The following TMEFF1 variants were observed in gnomAD, a reference collection of about 807,000 sequenced individuals.
TMEFF1 encodes tomoregulin-1.
TMEFF1 carries 20 observed loss-of-function variants against 47.5 expected under a neutral mutation model. The ratio of observed to expected loss-of-function variants is 0.42; its 90% confidence interval spans 0.30 to 0.61. The LOEUF (loss-of-function observed/expected upper bound fraction) is 0.61. Ranked by LOEUF, TMEFF1 falls within the 20% of genes least tolerant of loss-of-function variation. The probability of loss-of-function intolerance (pLI) is 0.19; values close to 1 mark genes in which losing one functional copy is unlikely to be tolerated. For missense variants in TMEFF1, 411 were observed against 471.1 expected (o/e 0.87, Z 1.18); for synonymous variants, 162 against 166.3 (o/e 0.97, Z 0.20).
intron 5 of TMEFF1, among the ~76,000 whole-genome samples, chr9:100,531,384 CAA>C (rs1297037020): frequency 6.6e-6 from 1 of 152,198 alleles, no homozygotes; most frequent in African/African-American, 2.4e-5. Context: ...ACAACTTCAG[CAA>C]AGTCTCAGGA....
intron 5 of TMEFF1, among the ~76,000 whole-genome samples, chr9:100,533,215 G>A (rs931399806): frequency 6.6e-6 from 1 of 151,952 alleles, no homozygotes; most frequent in Admixed American, 6.6e-5. Flanking sequence ...ATGTGCACAT[G>A]TACCGTAGAA....
chr9:100,493,380 A>G (rs1837592506), intron 1 of TMEFF1, among the ~76,000 whole-genome samples: 1 of 152,148 alleles, frequency 6.6e-6, no homozygotes, highest in Non-Finnish European at 1.5e-5. Context: ...GGGTGGTAGA[A>G]AAGTCGTATC....
intron 2 of TMEFF1, among the ~76,000 whole-genome samples, chr9:100,502,374 G>C (rs1484350601): frequency 6.8e-6 from 1 of 148,004 alleles, no homozygotes; most frequent in Non-Finnish European, 1.5e-5. Flanking sequence ...CTTTTTTTTT[G>C]TTTGAGACGG....
chr9:100,571,301 T>C (rs1201502690), intron 8 of TMEFF1, among the ~76,000 whole-genome samples: 1 of 152,154 alleles, frequency 6.6e-6, no homozygotes, highest in African/African-American at 2.4e-5. Flanking sequence ...CACCAAGATG[T>C]TTACCACATC....
chr9:100,493,861 A>G (rs1237201278), intron 1 of TMEFF1, among the ~76,000 whole-genome samples: 2 of 152,152 alleles, frequency 1.3e-5, no homozygotes, highest in Non-Finnish European at 2.9e-5. Context: ...ATTGGGTTTA[A>G]GCTAAGGCAG....
intron 1 of TMEFF1, among the ~76,000 whole-genome samples, chr9:100,491,333 C>A (rs1442408529): frequency 6.6e-6 from 1 of 152,036 alleles, no homozygotes; most frequent in African/African-American, 2.4e-5. Flanking sequence ...TGAAAAAGGG[C>A]AGATTTCTCC....
At position 100,517,078 on chromosome 9, in the gene TMEFF1, G is replaced by A. The variant is rs569318641; in HGVS notation, c.560+307G>A. ...CAAGTGCTTTTCTCACTCATGTTCAGCCTTCATTAAGGTAGGTTTTGTAGC... is the reference window on the plus strand; with the variant it reads ...CAAGTGCTTTTCTCACTCATGTTCAACCTTCATTAAGGTAGGTTTTGTAGC... On this transcript the variant is annotated intron_variant, in intron 5 of 9. Transcript: ENST00000374879. Among the ~76,000 whole-genome samples, 12 of 152,224 alleles carry A rather than the reference G, an allele frequency of 7.9e-5. No individual in the cohort carries two copies. In the South Asian group the frequency reaches 1.7e-3, roughly 21 times the overall value.
intron 3 of TMEFF1, among the ~76,000 whole-genome samples, chr9:100,511,949 G>A (rs1047441353): frequency 1.3e-5 from 2 of 152,082 alleles, no homozygotes; most frequent in South Asian, 2.1e-4. Context: ...TCTAAATGAC[G>A]AAGGTATGAG....
intron 1 of TMEFF1, 144 bp from the exon 2 acceptor site, chr9:100,498,621 G>A: frequency 1.6e-6 from 1 of 615,224 alleles, no homozygotes. Flanking sequence ...ATTTCTTTTT[G>A]TATAGTTATG....
intron 5 of TMEFF1, among the ~76,000 whole-genome samples, chr9:100,521,747 A>G (rs979076934): frequency 6.6e-6 from 1 of 152,232 alleles, no homozygotes; most frequent in Admixed American, 6.5e-5. Flanking sequence ...CCTAATGCCA[A>G]TACAGGTGAG....
rs1160001831 is a variant in TMEFF1 at position 100,564,267 on chromosome 9, G to T, written c.899+2747G>T. Among the ~76,000 whole-genome samples, 3 of 152,126 alleles carry T rather than the reference G, an allele frequency of 2.0e-5. No homozygotes were observed. The East Asian group carries it at 5.8e-4, about 29-fold the overall frequency. ...TTTTTCTATTTTTAGTAGAGACAGG[G>T]TTTTGCCATGTTGGCCAGGCTAGTC... On this transcript the variant is annotated intron_variant, in intron 8 of 9. Transcript: ENST00000374879.
chr9:100,548,003 T>C (rs1838766945), intron 6 of TMEFF1, 111 bp downstream of exon 6: 1 of 1,190,048 alleles, frequency 8.4e-7, no homozygotes, highest in Admixed American at 3.7e-5. Flanking sequence ...TCCTCGAAGC[T>C]TTATTTTTTT....
chr9:100,506,240 A>G (rs1319488395), intron 2 of TMEFF1, among the ~76,000 whole-genome samples: 1 of 152,194 alleles, frequency 6.6e-6, no homozygotes, highest in African/African-American at 2.4e-5. Context: ...TGCTCATTGA[A>G]GAAAAATAGA....
chr9:100,522,670 C>T (rs972625661), intron 5 of TMEFF1, among the ~76,000 whole-genome samples: 4 of 151,696 alleles, frequency 2.6e-5, no homozygotes, highest in Non-Finnish European at 2.9e-5. Flanking sequence ...CTCCTGATCT[C>T]GTGATCCACC....
chr9:100,544,115 AG>A (rs1391337105), intron 5 of TMEFF1, among the ~76,000 whole-genome samples: 13 of 149,748 alleles, frequency 8.7e-5, no homozygotes, highest in Non-Finnish European at 1.5e-4. Flanking sequence ...TAACTTTTTT[AG>A]GGTCTCCAGA....
At chr9:100,574,499 G>C (rs1032060424) in intron 9 of TMEFF1, among the ~76,000 whole-genome samples, 1 of 151,954 alleles carries the variant, frequency 6.6e-6, no homozygotes, top group Non-Finnish European at 1.5e-5. Context: ...AACCTCCCGA[G>C]TAGCTGAGAC....
chr9:100,553,138 C>G (rs1838856163), intron 7 of TMEFF1, among the ~76,000 whole-genome samples: 1 of 152,124 alleles, frequency 6.6e-6, no homozygotes, highest in Non-Finnish European at 1.5e-5. Context: ...AAGACAAGGA[C>G]TAAACTATGC....
chr9:100,489,471 G>A (rs1483069643), intron 1 of TMEFF1, among the ~76,000 whole-genome samples: 1 of 152,164 alleles, frequency 6.6e-6, no homozygotes, highest in African/African-American at 2.4e-5. Context: ...GATTACAGGC[G>A]TGAGGCACTG....
At chr9:100,512,315 G>A (rs895759826) in intron 3 of TMEFF1, among the ~76,000 whole-genome samples, 4 of 152,098 alleles carry the variant, frequency 2.6e-5, no homozygotes, top group Admixed American at 6.5e-5. Flanking sequence ...TTTACAATGG[G>A]TACTGCATAC....
Sources: gnomAD v4.1 joint callset for allele counts (sites outside exome capture counted in the v4.1 genomes callset) on GRCh38, gnomAD v4.1.1 for gene constraint, MANE v1.5 for transcripts, NCBI Gene and HGNC (gene_info 2026-07-23, HGNC 2026-07-21) for gene names.